SGIP1: variants seen among roughly 807,000 people sequenced by gnomAD.
SGIP1 encodes the protein SH3-containing GRB2-like protein 3-interacting protein 1.
In SGIP1, 38 loss-of-function variants were observed where a neutral mutation model predicts 107.5. The ratio of observed to expected loss-of-function variants is 0.35; its 90% CI spans 0.27 to 0.46. The LOEUF (loss-of-function observed/expected upper bound fraction) is 0.46, where lower values mean the gene tolerates loss of function less well. Ranked by LOEUF, SGIP1 falls within the 20% of genes least tolerant of loss-of-function variation. The pLI, the probability that SGIP1 is intolerant of heterozygous loss-of-function variation, is 1.00. For missense variants in SGIP1, 929 were observed against 1,019.5 expected, an observed-to-expected ratio of 0.91 and a Z score of 1.21; for synonymous variants, 365 against 366.1, an observed-to-expected ratio of 1.00 and a Z score of 0.03.
chr1:66,584,293 G>T (rs1439728950), intron 1 of SGIP1, among the ~76,000 whole-genome samples: 1 of 152,078 alleles, frequency 6.6e-6, no homozygotes, highest in Non-Finnish European at 1.5e-5. Context: ...GATAATAAAT[G>T]CTTATCAGAT....
intron 17 of SGIP1, chr1:66,695,222 C>T: frequency 1.0e-6 from 1 of 978,140 alleles, no homozygotes; most frequent in Middle Eastern, 2.5e-4. Context: ...TTTAGGCCTC[C>T]ATAGCTTTGC....
chr1:66,608,144 G>T (rs1196418419), intron 1 of SGIP1, among the ~76,000 whole-genome samples: 1 of 152,202 alleles, frequency 6.6e-6, no homozygotes, highest in Non-Finnish European at 1.5e-5. Flanking sequence ...TTGGCAAATT[G>T]CAGGACTTCT....
At chr1:66,592,795 A>G (rs1385157531) in intron 1 of SGIP1, among the ~76,000 whole-genome samples, 1 of 149,284 alleles carries the variant, frequency 6.7e-6, no homozygotes, top group Non-Finnish European at 1.5e-5. Context: ...TTTTCTTCAT[A>G]GTTTTACTTT....
At chr1:66,741,482 T>C in intron 24 of SGIP1, 46 bp downstream of exon 24, 1 of 1,513,762 alleles carries the variant, frequency 6.6e-7, no homozygotes, top group Non-Finnish European at 8.9e-7. Flanking sequence ...TAATGTTGCC[T>C]TGGCTACTCT....
chr1:66,548,349 A>T (rs2056801746), intron 1 of SGIP1, among the ~76,000 whole-genome samples: 1 of 151,952 alleles, frequency 6.6e-6, no homozygotes. Flanking sequence ...ATTGGAAGGG[A>T]TGGTGGTGCC....
At chr1:66,574,100 G>A (rs1199282596) in intron 1 of SGIP1, among the ~76,000 whole-genome samples, 1 of 152,044 alleles carries the variant, frequency 6.6e-6, no homozygotes, top group African/African-American at 2.4e-5. Context: ...TGGTAGGTGA[G>A]GAGCCTCCCA....
In SGIP1 at chr1:66,626,143, T is replaced by C. The variant is rs1197770928; in HGVS notation, c.74+233T>C. On this transcript the variant is annotated intron_variant, in intron 2 of 24. Coordinates refer to ENST00000371037, the MANE Select transcript of SGIP1 (RefSeq NM_032291.4). ...ATCACATTTTTCTTTCTTTCTTTTT[T>C]TTTTTTTTTTTTTTTTGATCATTAC... is the stretch of plus-strand genomic sequence containing the variant. The C allele has an allele frequency of 2.0e-4, 38 of 191,250 alleles. No homozygotes were observed. The South Asian group carries it at 3.3e-3, about 17-fold the overall frequency. 11.8% of individuals were successfully genotyped at this position (191,250 alleles called of 1,614,324 possible). A position where few individuals can be genotyped will look rare whatever the true frequency, so the allele number is the denominator to read the frequency against.
intron 3 of SGIP1, chr1:66,634,085 GAA>G (rs745636084): frequency 6.2e-7 from 1 of 1,602,774 alleles, no homozygotes; most frequent in Non-Finnish European, 8.5e-7. Flanking sequence ...TTCAGCAGGG[GAA>G]AAAAAAGACC....
chr1:66,735,064 A>G (rs1024383967), intron 21 of SGIP1, among the ~76,000 whole-genome samples: 3 of 152,036 alleles, frequency 2.0e-5, no homozygotes, highest in Admixed American at 6.6e-5. Context: ...CCTCTCATCT[A>G]ACTGAAATTT....
chr1:66,644,731 T>C (rs748557930), intron 7 of SGIP1, among the ~76,000 whole-genome samples: 7 of 152,190 alleles, frequency 4.6e-5, no homozygotes, highest in Non-Finnish European at 1.0e-4. Flanking sequence ...ATAATGACGC[T>C]TTCTTTAGTG....
intron 1 of SGIP1, among the ~76,000 whole-genome samples, chr1:66,604,381 G>A (rs2066433288): frequency 6.6e-6 from 1 of 152,130 alleles, no homozygotes; most frequent in South Asian, 2.1e-4. Flanking sequence ...CTCAGACAAT[G>A]AGATTCCTCC....
Position 66,686,264 on chromosome 1 carries a change from A to T in SGIP1, c.1316-2884A>T, listed in dbSNP as rs533911597. On this transcript the variant is annotated intron_variant, in intron 15 of 24. Coordinates refer to ENST00000371037, the MANE Select transcript of SGIP1 (RefSeq NM_032291.4). ...CAACACACACATAAAAAAAGAGATG[A>T]AAGTTGAAGCGGTAGACACATGGTC... Among the ~76,000 whole-genome samples, 5 of 152,288 alleles carry T rather than the reference A, an allele frequency of 3.3e-5. No homozygotes were observed. The South Asian group carries it at 1.0e-3, about 32-fold the overall frequency.
At chr1:66,548,835 C>T (rs1323040454) in intron 1 of SGIP1, among the ~76,000 whole-genome samples, 1 of 152,174 alleles carries the variant, frequency 6.6e-6, no homozygotes, top group African/African-American at 2.4e-5. Flanking sequence ...CACCTGTGCA[C>T]TTCTCCAATT....
intron 15 of SGIP1, among the ~76,000 whole-genome samples, chr1:66,685,048 G>A (rs1344479340): frequency 6.6e-6 from 1 of 152,142 alleles, no homozygotes; most frequent in African/African-American, 2.4e-5. Context: ...TCTTTTATTG[G>A]TGGAACATAT....
At chr1:66,673,169 G>A (rs374099843) in intron 11 of SGIP1, 112 bp from the exon 12 acceptor site, 2 of 1,041,632 alleles carry the variant, frequency 1.9e-6, no homozygotes, top group Non-Finnish European at 1.5e-6. Context: ...GCATGCACTG[G>A]TGCACACACA....
chr1:66,740,316 T>C (rs2094406983), intron 22 of SGIP1, among the ~76,000 whole-genome samples: 1 of 151,822 alleles, frequency 6.6e-6, no homozygotes, highest in Admixed American at 6.6e-5. Flanking sequence ...AAAATGAATG[T>C]CAGCCAGATC....
chr1:66,611,157 C>A (rs990263382), intron 1 of SGIP1, among the ~76,000 whole-genome samples: 1 of 152,112 alleles, frequency 6.6e-6, no homozygotes, highest in Non-Finnish European at 1.5e-5. Context: ...AATTAAAAAA[C>A]CAAAATATTT....
chr1:66,674,862 TA>T (rs2084813325), intron 12 of SGIP1, among the ~76,000 whole-genome samples: 1 of 152,206 alleles, frequency 6.6e-6, no homozygotes, highest in East Asian at 1.9e-4. Context: ...TGTAGCCAGC[TA>T]AAATTCTGTT....
At chr1:66,555,404 C>G (rs1157154955) in intron 1 of SGIP1, among the ~76,000 whole-genome samples, 2 of 152,146 alleles carry the variant, frequency 1.3e-5, no homozygotes, top group African/African-American at 4.8e-5. Context: ...TTCTGCAACT[C>G]TGTTCATTTA....
Sources: allele counts gnomAD v4.1 joint callset (sites outside exome capture counted in the v4.1 genomes callset), GRCh38; gene constraint gnomAD v4.1.1; transcripts MANE v1.5; gene names NCBI Gene and HGNC (gene_info 2026-07-23, HGNC 2026-07-21).